GLT1D1: variants seen among roughly 807,000 people sequenced by gnomAD.
GLT1D1 encodes glycosyltransferase 1 domain containing 1.
Under a neutral mutation model 28.7 loss-of-function variants are expected in GLT1D1, and 21 were observed. The observed-to-expected ratio is 0.73, with a 90% confidence interval of 0.52 to 1.05. The LOEUF is 1.05. Among genes scored for constraint, GLT1D1 ranks in the 50% least tolerant of loss-of-function variants. The pLI, the probability that GLT1D1 is intolerant of heterozygous loss-of-function variation, is 0.00. For synonymous variants in GLT1D1, 147 were observed against 124.8 expected (o/e 1.18, Z -1.19); for missense variants, 343 against 330.6 (o/e 1.04, Z -0.29).
Position 128,926,230 on chromosome 12 carries a change from A to AATAATAAG in GLT1D1, c.376-19094_376-19087dup, listed in dbSNP as rs1555269778. ...TAATAATAATAATAATAATAATAAT[A>AATAATAAG]ATAATAAGAGTAGGAGAAGCTGGCC... is the stretch of plus-strand genomic sequence containing the variant. On this transcript the variant is annotated intron_variant, in intron 4 of 7. Transcript: ENST00000281703. 113 of 244,840 alleles carry AATAATAAG rather than the reference A, an allele frequency of 4.6e-4. 1 individual carries two copies. Among genetic ancestry groups the AATAATAAG allele is most frequent in the African/African-American group, 2.2e-3 (95 of 42,402 alleles). The allele number at this position is 244,840 out of a possible 1,614,324, so 15.2% of individuals were successfully genotyped here.
chr12:128,982,235 G>A (rs1442457594), intron 7 of GLT1D1, among the ~76,000 whole-genome samples: 1 of 152,118 alleles, frequency 6.6e-6, no homozygotes, highest in Non-Finnish European at 1.5e-5. Context: ...GAGCCCCTGG[G>A]ACTTGGGGTA....
chr12:128,859,034 T>G (rs1956296116), intron 1 of GLT1D1, among the ~76,000 whole-genome samples: 1 of 152,188 alleles, frequency 6.6e-6, no homozygotes, highest in Non-Finnish European at 1.5e-5. Flanking sequence ...CTTAAATGTA[T>G]TTGATTGATG....
chr12:128,871,020 A>T (rs1201858450), intron 1 of GLT1D1, among the ~76,000 whole-genome samples: 1 of 151,998 alleles, frequency 6.6e-6, no homozygotes, highest in Non-Finnish European at 1.5e-5. Context: ...CACCTTAATA[A>T]ATCAGAAACT....
intron 6 of GLT1D1, among the ~76,000 whole-genome samples, chr12:128,955,983 C>A (rs185637037): frequency 1.3e-5 from 2 of 151,214 alleles, no homozygotes; most frequent in African/African-American, 4.9e-5. Context: ...CACAGTGAAA[C>A]CCCATCTCTA....
At chr12:128,882,278 T>A (rs1957077637) in intron 2 of GLT1D1, among the ~76,000 whole-genome samples, 1 of 150,060 alleles carries the variant, frequency 6.7e-6, no homozygotes, top group African/African-American at 2.5e-5. Context: ...AACGCAATTT[T>A]TTTTTTTTTT....
At chr12:128,937,642 T>A (rs1874702349) in intron 4 of GLT1D1, among the ~76,000 whole-genome samples, 1 of 151,186 alleles carries the variant, frequency 6.6e-6, no homozygotes, top group South Asian at 2.1e-4. Flanking sequence ...CCAAATCTCA[T>A]CTTCAGTTGC....
intron 4 of GLT1D1, among the ~76,000 whole-genome samples, chr12:128,925,176 T>C (rs1873079134): frequency 6.6e-6 from 1 of 152,178 alleles, no homozygotes; most frequent in East Asian, 1.9e-4. Context: ...TTGTTTATCT[T>C]TTCTTCAACT....
chr12:128,893,091 A>G (rs1313952350), intron 3 of GLT1D1, among the ~76,000 whole-genome samples: 1 of 152,132 alleles, frequency 6.6e-6, no homozygotes, highest in East Asian at 1.9e-4. Context: ...CTAAAAATAC[A>G]AAAATTAGCT....
At chr12:128,976,009 T>G (rs1182152591) in intron 7 of GLT1D1, among the ~76,000 whole-genome samples, 1 of 152,166 alleles carries the variant, frequency 6.6e-6, no homozygotes, top group Non-Finnish European at 1.5e-5. Context: ...GTCACATTGA[T>G]GTGTCGTCAG....
intron 1 of GLT1D1, among the ~76,000 whole-genome samples, chr12:128,868,938 T>C (rs1389787391): frequency 2.0e-5 from 3 of 152,198 alleles, no homozygotes; most frequent in Admixed American, 6.5e-5. Context: ...GGCACGATCT[T>C]AGCTCACTGC....
At chr12:128,884,801 G>A (rs1469377151) in intron 2 of GLT1D1, among the ~76,000 whole-genome samples, 1 of 151,884 alleles carries the variant, frequency 6.6e-6, no homozygotes, top group Non-Finnish European at 1.5e-5. Flanking sequence ...GTGACCAAGT[G>A]AGACTCTGTC....
At chr12:128,862,411 G>A (rs1024202661) in intron 1 of GLT1D1, among the ~76,000 whole-genome samples, 3 of 146,096 alleles carry the variant, frequency 2.1e-5, no homozygotes, top group Admixed American at 1.4e-4. Flanking sequence ...ATCCCAACAC[G>A]TTGGGAGGCT....
At chr12:128,895,996 G>A (rs184632312) in intron 3 of GLT1D1, among the ~76,000 whole-genome samples, 22 of 152,284 alleles carry the variant, frequency 1.4e-4, no homozygotes, top group Admixed American at 1.3e-3. Context: ...GCTATTGATA[G>A]GTTAAGTAAG....
intron 1 of GLT1D1, among the ~76,000 whole-genome samples, chr12:128,867,414 A>ACCAG (rs1468563201): frequency 1.5e-5 from 2 of 137,628 alleles, no homozygotes; most frequent in East Asian, 2.2e-4. Flanking sequence ...AAAAAAAAAA[A>ACCAG]AACAGAAAAA....
intron 5 of GLT1D1, among the ~76,000 whole-genome samples, chr12:128,946,635 C>CTTT (rs61498838): frequency 6.2e-5 from 4 of 64,224 alleles, no homozygotes; most frequent in African/African-American, 7.4e-5. Flanking sequence ...GCCCGGCCTC[C>CTTT]TTTTTTTTTT....
intron 4 of GLT1D1, among the ~76,000 whole-genome samples, chr12:128,915,916 A>AGGCAAATGTTT (rs750357300): frequency 3.9e-5 from 6 of 152,228 alleles, no homozygotes; most frequent in Non-Finnish European, 7.3e-5. Context: ...GTGTAAAATT[A>AGGCAAATGTTT]GGCAAATGTT....
intron 3 of GLT1D1, among the ~76,000 whole-genome samples, chr12:128,896,581 T>G (rs1869657856): frequency 6.9e-6 from 1 of 145,056 alleles, no homozygotes; most frequent in African/African-American, 2.5e-5. Context: ...CATACTTTTT[T>G]TTTTTTTTTT....
At chr12:128,931,236 C>T (rs955414665) in intron 4 of GLT1D1, among the ~76,000 whole-genome samples, 7 of 151,742 alleles carry the variant, frequency 4.6e-5, no homozygotes, top group African/African-American at 1.7e-4. Context: ...CTCCTGACCT[C>T]GTGATCTGCC....
intron 4 of GLT1D1, among the ~76,000 whole-genome samples, chr12:128,933,573 G>A (rs1033049141): frequency 6.6e-6 from 1 of 152,152 alleles, no homozygotes; most frequent in Non-Finnish European, 1.5e-5. Context: ...GGGTGACCCC[G>A]GATGGAGGGT....
Sources: allele counts gnomAD v4.1 joint callset (sites outside exome capture counted in the v4.1 genomes callset), GRCh38; gene constraint gnomAD v4.1.1; transcripts MANE v1.5; gene names NCBI Gene and HGNC (gene_info 2026-07-23, HGNC 2026-07-21).